Variants in CYP4F22 observed in about 807,000 individuals in gnomAD.
CYP4F22 encodes ultra-long-chain fatty acid omega-hydroxylase.
CYP4F22 carries 37 observed loss-of-function variants against 60.4 expected under a neutral mutation model. The observed-to-expected ratio is 0.61, with a 90% CI of 0.47 to 0.81. The LOEUF (loss-of-function observed/expected upper bound fraction) is 0.81. Ranked by LOEUF, CYP4F22 falls within the 30% of genes least tolerant of loss-of-function variation. The pLI, the probability that CYP4F22 is intolerant of heterozygous loss-of-function variation, is 0.00. For missense variants in CYP4F22, 655 were observed against 715.0 expected (o/e 0.92, Z 0.96); for synonymous variants, 258 against 280.5 (o/e 0.92, Z 0.80).
At chr19:15,539,097 G>A (rs1042703499) in intron 7 of CYP4F22, among the ~76,000 whole-genome samples, 9 of 152,238 alleles carry the variant, frequency 5.9e-5, no homozygotes, top group African/African-American at 2.2e-4. Flanking sequence ...ACTGCTTTTA[G>A]TATATTCAGA....
chr19:15,533,591 C>CTTTTTTTTTTT (rs34585637), intron 4 of CYP4F22, among the ~76,000 whole-genome samples: 2 of 91,434 alleles, frequency 2.2e-5, no homozygotes, highest in Non-Finnish European at 4.2e-5. Context: ...CAGTTTCATT[C>CTTTTTTTTTTT]TTTTTTTTTT....
Position 15,551,658 on chromosome 19 carries a change from C to A in CYP4F22, c.*187C>A. ...CGCCCCTCAAGGCAAGGCTCCTCCC[C>A]TTAGGGGGCCTGATCCCGCCCCTTG... On this transcript the variant is annotated 3_prime_UTR_variant, in exon 14 of 14. Coordinates refer to ENST00000269703, the MANE Select transcript of CYP4F22 (RefSeq NM_173483.4). 1.4e-6 allele frequency: 1 copy of A among 704,526 alleles called. No individual in the cohort carries two copies. The allele number at this position is 704,526 out of a possible 1,614,324, so 43.6% of individuals were successfully genotyped here. A position where few individuals can be genotyped will look rare whatever the true frequency, so the allele number is the denominator to read the frequency against.
intron 1 of CYP4F22, among the ~76,000 whole-genome samples, chr19:15,510,725 A>G (rs1489783769): frequency 6.6e-6 from 1 of 152,078 alleles, no homozygotes; most frequent in Non-Finnish European, 1.5e-5. Flanking sequence ...TGTCTCCTTT[A>G]CCACATTTGC....
In CYP4F22 at chr19:15,537,474, G is replaced by A. The variant is rs377230723; in HGVS notation, c.421+60G>A. The A allele has an allele frequency of 2.5e-6, 4 of 1,614,018 alleles. No homozygotes were observed. The African/African-American group carries it at 5.3e-5, about 22-fold the overall frequency. On this transcript the variant is annotated intron_variant, in intron 5 of 13. Coordinates refer to ENST00000269703, the MANE Select transcript of CYP4F22 (RefSeq NM_173483.4). Reference sequence around the variant, plus strand: ...TTAGAGAAGAGAGGGAAGAGCATGGGGTTCCTTGGAAGGTTTCAGAGTAAC... The same window carrying A: ...TTAGAGAAGAGAGGGAAGAGCATGGAGTTCCTTGGAAGGTTTCAGAGTAAC...
chr19:15,543,183 C>T (rs1467666354), intron 8 of CYP4F22, among the ~76,000 whole-genome samples: 1 of 152,116 alleles, frequency 6.6e-6, no homozygotes, highest in Non-Finnish European at 1.5e-5. Context: ...CTTGTAAAAG[C>T]GTTCCTATTT....
At chr19:15,537,841 C>T (rs1568360446) in intron 6 of CYP4F22, 31 bp from the exon 7 acceptor site, 1 of 1,612,876 alleles carries the variant, frequency 6.2e-7, no homozygotes, top group Non-Finnish European at 8.5e-7. Flanking sequence ...CTGTGGTTTC[C>T]ATGCACAGTC....
At chr19:15,519,465 G>A (rs191190590) in intron 1 of CYP4F22, among the ~76,000 whole-genome samples, 1 of 152,076 alleles carries the variant, frequency 6.6e-6, no homozygotes, top group Non-Finnish European at 1.5e-5. Context: ...GTTTTGCCGT[G>A]TTGGCCAGGC....
At chr19:15,534,465 C>T (rs945808295) in intron 4 of CYP4F22, among the ~76,000 whole-genome samples, 4 of 152,084 alleles carry the variant, frequency 2.6e-5, no homozygotes, top group African/African-American at 4.8e-5. Flanking sequence ...CCATCTCTCC[C>T]TCTTTTTTTT....
At chr19:15,511,787 T>TGG (rs1971095336) in intron 1 of CYP4F22, among the ~76,000 whole-genome samples, 1 of 152,192 alleles carries the variant, frequency 6.6e-6, no homozygotes, top group African/African-American at 2.4e-5. Context: ...CCTGGGTCCG[T>TGG]GCCCTCCACT....
At chr19:15,520,534 G>A (rs1035965131) in intron 1 of CYP4F22, among the ~76,000 whole-genome samples, 16 of 151,658 alleles carry the variant, frequency 1.1e-4, no homozygotes, top group African/African-American at 3.6e-4. Flanking sequence ...ACTCACAGGG[G>A]TACCAGGCTT....
intron 1 of CYP4F22, among the ~76,000 whole-genome samples, chr19:15,510,156 A>G (rs1971073312): frequency 6.6e-6 from 1 of 151,598 alleles, no homozygotes; most frequent in South Asian, 2.1e-4. Flanking sequence ...TACTTTTTGT[A>G]TTTTTGGTAG....
At chr19:15,538,169 C>A (rs759990036) in intron 7 of CYP4F22, among the ~76,000 whole-genome samples, 176 bp downstream of exon 7, 26 of 151,070 alleles carry the variant, frequency 1.7e-4, no homozygotes, top group Non-Finnish European at 3.0e-4. Context: ...TTTTTTTAAT[C>A]AAAAAAATGG....
chr19:15,515,680 A>C (rs1971145453), intron 1 of CYP4F22, among the ~76,000 whole-genome samples: 1 of 151,554 alleles, frequency 6.6e-6, no homozygotes, highest in Non-Finnish European at 1.5e-5. Flanking sequence ...GAGCTGAGAT[A>C]GCACCACTGT....
intron 3 of CYP4F22, among the ~76,000 whole-genome samples, chr19:15,527,892 A>G (rs1971300291): frequency 6.6e-6 from 1 of 152,176 alleles, no homozygotes; most frequent in Non-Finnish European, 1.5e-5. Context: ...AGAGAGGTTA[A>G]GTGGCTTGCT....
intron 3 of CYP4F22, 47 bp from the exon 4 acceptor site, chr19:15,529,659 GGAA>G (rs1438444766): frequency 3.7e-6 from 6 of 1,610,362 alleles, no homozygotes; most frequent in Non-Finnish European, 5.1e-6. Context: ...AGGCAGTGGG[GGAA>G]GCTGGGGCTG....
intron 2 of CYP4F22, among the ~76,000 whole-genome samples, chr19:15,524,688 AAGAAAGAAAGAAAGAGAGAG>A (rs1354742843): frequency 6.7e-6 from 1 of 149,618 alleles, no homozygotes; most frequent in East Asian, 1.9e-4. Flanking sequence ...GAGAGAAAGA[AAGAAAGAAAGAAAGAGAGAG>A]AGAAAGAAAG....
intron 1 of CYP4F22, among the ~76,000 whole-genome samples, chr19:15,511,125 C>A (rs951042933): frequency 1.1e-4 from 16 of 150,614 alleles, no homozygotes; most frequent in South Asian, 1.1e-3. Flanking sequence ...TGCCACCATG[C>A]CTGGCTAATT....
chr19:15,519,994 C>T (rs1011844196), intron 1 of CYP4F22, among the ~76,000 whole-genome samples: 2 of 152,222 alleles, frequency 1.3e-5, no homozygotes, highest in Non-Finnish European at 2.9e-5. Flanking sequence ...AGATGTTCAT[C>T]GTGTATGTTT....
chr19:15,513,514 G>A lies in CYP4F22; in HGVS notation c.-109+4931G>A, dbSNP rs377569247. Among the ~76,000 whole-genome samples, 71 of 151,916 alleles carry A rather than the reference G, an allele frequency of 4.7e-4. 2 individuals are homozygous for A. Among genetic ancestry groups the A allele is most frequent in the Admixed American group, 1.7e-3 (26 of 15,234 alleles). On this transcript the variant is annotated intron_variant, in intron 1 of 13. Transcript: ENST00000269703. ...CGAGTAGCTGGGACTACAGGCGCCC[G>A]CCACCTCGCCCGGCTAATTTTTTTT... is the stretch of plus-strand genomic sequence containing the variant.
Sources: allele counts gnomAD v4.1 joint callset (sites outside exome capture counted in the v4.1 genomes callset), GRCh38; gene constraint gnomAD v4.1.1; transcripts MANE v1.5; gene names NCBI Gene and HGNC (gene_info 2026-07-23, HGNC 2026-07-21).